The following MEIKIN variants were observed in gnomAD, a reference collection of about 807,000 sequenced individuals.
MEIKIN encodes meiotic kinetochore factor, also known as meiosis-specific kinetochore protein.
chr5:131,895,482 C>T (rs1751022877), intron 8 of MEIKIN, among the ~76,000 whole-genome samples: 2 of 152,108 alleles, frequency 1.3e-5, no homozygotes. Context: ...CCTCTTTGTA[C>T]CTCTGGTAGA....
chr5:131,858,114 C>T (rs767691246), intron 9 of MEIKIN, among the ~76,000 whole-genome samples: 2 of 152,216 alleles, frequency 1.3e-5, no homozygotes, highest in African/African-American at 2.4e-5. Context: ...AGTTCCTAAG[C>T]TCCTGAGACC....
At chr5:131,845,272 TAAAAAAAAAAA>T (rs1158220526) in intron 11 of MEIKIN, among the ~76,000 whole-genome samples, 6 of 45,350 alleles carry the variant, frequency 1.3e-4, no homozygotes, top group Admixed American at 5.7e-4. Context: ...GACTTCGTCT[TAAAAAAAAAAA>T]AAAAAAAAAA....
rs774659321 is a variant in MEIKIN, at chr5:131,818,368, T to G, written c.1099+372A>C. Among the ~76,000 whole-genome samples, 6 of 152,116 alleles carry G rather than the reference T, an allele frequency of 3.9e-5. No homozygotes were observed. In the South Asian group the frequency reaches 1.0e-3, roughly 26 times the overall value. On this transcript the variant is annotated intron_variant, in intron 12 of 12. Transcript: ENST00000442687. ...CTAATTTTTCAAAAGATAAAGTATC[T>G]GTCTTTCAAAAAATTATTTTACTCT...
intron 8 of MEIKIN, among the ~76,000 whole-genome samples, chr5:131,896,595 T>A (rs181460814): frequency 1.1e-3 from 162 of 152,326 alleles, no homozygotes; most frequent in Non-Finnish European, 1.2e-3. Flanking sequence ...TTTAGGATAG[T>A]TAGCTTTTCT....
At chr5:131,866,713 C>T (rs1048941863) in intron 9 of MEIKIN, among the ~76,000 whole-genome samples, 4 of 151,984 alleles carry the variant, frequency 2.6e-5, no homozygotes, top group Non-Finnish European at 5.9e-5. Context: ...GGTGAGAGAG[C>T]AAGGGAGAAT....
At chr5:131,870,439 C>A (rs994447865) in intron 9 of MEIKIN, among the ~76,000 whole-genome samples, 3 of 152,094 alleles carry the variant, frequency 2.0e-5, no homozygotes, top group Non-Finnish European at 4.4e-5. Context: ...AGGGATTGAC[C>A]TGGGCCCACT....
chr5:131,932,112 T>C (rs891898597), intron 5 of MEIKIN, among the ~76,000 whole-genome samples: 1 of 152,096 alleles, frequency 6.6e-6, no homozygotes, highest in Non-Finnish European at 1.5e-5. Flanking sequence ...GGTTCAAGTC[T>C]GGGAAGCTGA....
At chr5:131,941,149 T>A (rs1431586469) in intron 4 of MEIKIN, among the ~76,000 whole-genome samples, 1 of 117,904 alleles carries the variant, frequency 8.5e-6, no homozygotes, top group Admixed American at 8.3e-5. Flanking sequence ...TTCCTTTTTT[T>A]TTTTTTTTTT....
chr5:131,937,942 T>A (rs1349857656), intron 4 of MEIKIN, among the ~76,000 whole-genome samples: 2 of 151,980 alleles, frequency 1.3e-5, no homozygotes, highest in African/African-American at 4.8e-5. Context: ...CTATTCAGAA[T>A]CTGAATGGCT....
intron 8 of MEIKIN, among the ~76,000 whole-genome samples, chr5:131,881,822 C>G (rs1303140906): frequency 6.6e-6 from 1 of 152,156 alleles, no homozygotes; most frequent in Non-Finnish European, 1.5e-5. Flanking sequence ...AAGACTACCA[C>G]TGTTTCGACA....
At chr5:131,938,623 G>A (rs983823254) in intron 4 of MEIKIN, among the ~76,000 whole-genome samples, 2 of 151,982 alleles carry the variant, frequency 1.3e-5, no homozygotes, top group Non-Finnish European at 2.9e-5. Context: ...TCTACAGAAT[G>A]TTTTCTGATT....
At chr5:131,933,993 T>G (rs1751732140) in intron 4 of MEIKIN, among the ~76,000 whole-genome samples, 2 of 152,028 alleles carry the variant, frequency 1.3e-5, no homozygotes. Flanking sequence ...TAGCCCAGGG[T>G]GGAGTGCAGT....
chr5:131,831,373 G>GT (rs1047448469), intron 11 of MEIKIN, among the ~76,000 whole-genome samples: 1 of 152,124 alleles, frequency 6.6e-6, no homozygotes, highest in African/African-American at 2.4e-5. Context: ...AACAAAGTAA[G>GT]ACTGCTGTCT....
In MEIKIN at chr5:131,807,230, G is replaced by GT. The variant is rs978822590; in HGVS notation, c.*5dup. ...AAGTGGTGAAAATTCAGCCACAGCT[G>GT]TTTTTTCATGCCATTTTTATTATGA... On this transcript the variant is annotated 3_prime_UTR_variant, in exon 13 of 13. Coordinates refer to ENST00000442687, the MANE Select transcript of MEIKIN (RefSeq NM_001303622.2). The GT allele has an allele frequency of 1.0e-5, 4 of 398,182 alleles. No individual in the cohort carries two copies. The highest frequency in any genetic ancestry group is 8.2e-5 in the African/African-American group (4 of 48,560). 24.7% of individuals were successfully genotyped at this position (398,182 alleles called of 1,614,324 possible). A position where few individuals can be genotyped will look rare whatever the true frequency, so the allele number is the denominator to read the frequency against.
chr5:131,859,685 C>T (rs1750250088), intron 9 of MEIKIN, among the ~76,000 whole-genome samples: 2 of 152,114 alleles, frequency 1.3e-5, no homozygotes, highest in South Asian at 4.2e-4. Context: ...ATAAATTACC[C>T]AGTCTTAGGT....
At chr5:131,855,491 G>T (rs980099081) in intron 9 of MEIKIN, among the ~76,000 whole-genome samples, 1 of 151,870 alleles carries the variant, frequency 6.6e-6, no homozygotes, top group African/African-American at 2.4e-5. Context: ...AAGACCTAAA[G>T]AAAGTGACAG....
chr5:131,839,356 T>C (rs1749865212), intron 11 of MEIKIN, among the ~76,000 whole-genome samples: 1 of 152,170 alleles, frequency 6.6e-6, no homozygotes, highest in South Asian at 2.1e-4. Context: ...GTTCTGTAGA[T>C]GCCTATCAGG....
At chr5:131,820,934 G>C (rs759488803) in intron 11 of MEIKIN, among the ~76,000 whole-genome samples, 2 of 151,838 alleles carry the variant, frequency 1.3e-5, no homozygotes, top group Non-Finnish European at 2.9e-5. Flanking sequence ...TGTCAACTTT[G>C]TTTATCTTTT....
intron 11 of MEIKIN, among the ~76,000 whole-genome samples, chr5:131,831,208 C>T (rs542854008): frequency 1.3e-5 from 2 of 152,256 alleles, no homozygotes; most frequent in African/African-American, 4.8e-5. Flanking sequence ...TAACAAGATC[C>T]ACTAAAGTTT....
Sources: gnomAD v4.1 joint callset for allele counts (sites outside exome capture counted in the v4.1 genomes callset) on GRCh38, gnomAD v4.1.1 for gene constraint, MANE v1.5 for transcripts, NCBI Gene and HGNC (gene_info 2026-07-23, HGNC 2026-07-21) for gene names.